PRC1: variants seen among roughly 807,000 people sequenced by gnomAD.
PRC1 encodes protein regulator of cytokinesis 1.
Under a neutral mutation model 91.2 loss-of-function variants are expected in PRC1, and 54 were observed. That is an observed-to-expected ratio of 0.59 (90% confidence interval 0.48 to 0.74). The LOEUF is 0.74. PRC1 is among the 30% of genes least tolerant of loss of function. The pLI is 0.00. For missense variants in PRC1, 727 were observed against 746.2 expected (o/e 0.97, Z 0.30); for synonymous variants, 275 against 263.6 (o/e 1.04, Z -0.42).
chr15:90,969,422 G>A, intron 13 of PRC1, 25 bp downstream of exon 13: 3 of 1,571,114 alleles, frequency 1.9e-6, no homozygotes, highest in Non-Finnish European at 2.6e-6. Context: ...CCAGAGACTG[G>A]TAGATATTAG....
chr15:90,980,512 C>CTTT lies in PRC1; in HGVS notation c.823-126_823-124dup, dbSNP rs35250469. The CTTT allele has an allele frequency of 2.3e-3, 1,147 of 491,848 alleles. 1 individual carries two copies. The highest frequency in any genetic ancestry group is 5.5e-3 in the African/African-American group (200 of 36,286). 30.5% of individuals were successfully genotyped at this position (491,848 alleles called of 1,614,324 possible). On this transcript the variant is annotated intron_variant, in intron 6 of 14. Coordinates refer to ENST00000394249, the MANE Select transcript of PRC1 (RefSeq NM_003981.4). The stretch of plus-strand genomic sequence containing the variant: ...GCCACAAAGGTATTATAAATCAACA[C>CTTT]TTTTTTTTTTTTTTTTTTTTTTTTG...
intron 9 of PRC1, among the ~76,000 whole-genome samples, chr15:90,976,412 C>T (rs8035844): frequency 0.3 from 43,455 of 145,120 alleles, 9,035 homozygotes; most frequent in African/African-American, 0.54. Flanking sequence ...AACTCCTGAC[C>T]TCGCGATATG....
At chr15:90,970,706 G>A (rs1329660954) in intron 11 of PRC1, among the ~76,000 whole-genome samples, 192 bp from the exon 12 acceptor site, 1 of 152,208 alleles carries the variant, frequency 6.6e-6, no homozygotes, top group Non-Finnish European at 1.5e-5. Flanking sequence ...AAAGCCTATT[G>A]CTATCCAGCA....
At chr15:90,977,777 G>A (rs535684906) in intron 8 of PRC1, among the ~76,000 whole-genome samples, 16 of 151,846 alleles carry the variant, frequency 1.1e-4, no homozygotes, top group Non-Finnish European at 1.6e-4. Flanking sequence ...TAGTAGAGAC[G>A]GGGTTTCACT....
chr15:90,977,709 G>C (rs915720536), intron 8 of PRC1, among the ~76,000 whole-genome samples: 1 of 147,082 alleles, frequency 6.8e-6, no homozygotes, highest in Non-Finnish European at 1.5e-5. Context: ...TCAGCCTCCC[G>C]AGTAGCTGGG....
At chr15:90,976,858 T>C in intron 8 of PRC1, 87 bp from the exon 9 acceptor site, 1 of 1,164,268 alleles carries the variant, frequency 8.6e-7, no homozygotes, top group Non-Finnish European at 1.3e-6. Flanking sequence ...TCGCCAGGCG[T>C]GGTGACTCAC....
chr15:90,980,839 G>A, intron 6 of PRC1, 45 bp downstream of exon 6: 1 of 1,612,592 alleles, frequency 6.2e-7, no homozygotes, highest in South Asian at 1.1e-5. Flanking sequence ...TAACACAGAA[G>A]TGCTAAGAGA....
chr15:90,981,180 G>A (rs1193827012), intron 5 of PRC1, 147 bp from the exon 6 acceptor site: 6 of 1,060,216 alleles, frequency 5.7e-6, no homozygotes, highest in South Asian at 3.3e-5. Flanking sequence ...TCCTAAACAC[G>A]AGCTGTAAGG....
chr15:90,991,938 A>G (rs1437732975), intron 1 of PRC1, among the ~76,000 whole-genome samples: 2 of 152,134 alleles, frequency 1.3e-5, no homozygotes, highest in East Asian at 1.9e-4. Flanking sequence ...CCAAAGACCT[A>G]TGGAGCCCCA....
Position 90,984,902 on chromosome 15 carries a change from A to G in PRC1, c.12-77T>C, listed in dbSNP as rs74705913. On this transcript the variant is annotated intron_variant, in intron 1 of 14. Transcript: ENST00000394249. The surrounding 1 kb of genome is among the most constrained non-coding windows in gnomAD (Gnocchi z 5.1). ...CTAAAAGCACTATTTTCGAGAACTA[A>G]AAAGACTAGCTTCTCAGTGGCCTCG... 1.4e-5 allele frequency: 22 copies of G among 1,556,810 alleles called. No individual in the cohort carries two copies. In the African/African-American group the frequency reaches 3.0e-4, roughly 21 times the overall value.
At chr15:90,977,556 T>C (rs2038827316) in intron 8 of PRC1, among the ~76,000 whole-genome samples, 1 of 150,832 alleles carries the variant, frequency 6.6e-6, no homozygotes, top group South Asian at 2.1e-4. Flanking sequence ...CAAAGGTTGC[T>C]GCCTTAGCTC....
Position 90,969,638 on chromosome 15 carries a change from A to G in PRC1, c.1573-15T>C. 1 of 1,580,832 alleles carries G rather than the reference A, an allele frequency of 6.3e-7. No homozygotes were observed. The highest frequency in any genetic ancestry group is 1.4e-5 in the African/African-American group (1 of 73,956). ...GCAGCGACTGGCTGCAGAGAAAGGA[A>G]AGAGATCCATGTATCATCCTTCTAA... On this transcript the variant is annotated splice_polypyrimidine_tract_variant and intron_variant, in intron 12 of 14. Coordinates refer to ENST00000394249, the MANE Select transcript of PRC1 (RefSeq NM_003981.4).
chr15:90,981,514 T>C lies in PRC1; in HGVS notation c.657A>G (p.Gln219=), dbSNP rs954458768. 4 of 1,613,820 alleles carry C rather than the reference T, an allele frequency of 2.5e-6. No homozygotes were observed. The highest frequency in any genetic ancestry group is 2.2e-5 in the East Asian group (1 of 44,888). ...CLSLENIATL[Q]KLLRQLEMQK... ...AAGACAGTACCTGCCGTAGCAACTT[T>C]TGTAGTGTTGCAATATTCTCCAAAG... Residue 219 remains glutamine, a synonymous_variant, in exon 5 of 15, where the codon CAA becomes CAG. Coordinates refer to ENST00000394249, the MANE Select transcript of PRC1 (RefSeq NM_003981.4).
intron 5 of PRC1, 75 bp downstream of exon 5, chr15:90,981,424 A>C: frequency 6.6e-7 from 1 of 1,510,088 alleles, no homozygotes. Context: ...TTTAAGACTG[A>C]AGAAACAGCT....
chr15:90,986,045 A>C (rs2039551834), intron 1 of PRC1: 1 of 152,230 alleles, frequency 6.6e-6, no homozygotes, highest in Non-Finnish European at 1.5e-5. Context: ...AAAAGACAGC[A>C]TTAAGTGTTG....
intron 6 of PRC1, chr15:90,980,605 C>T: frequency 1.4e-6 from 1 of 692,036 alleles, no homozygotes; most frequent in Non-Finnish European, 2.3e-6. Context: ...TGCAACCCTC[C>T]ACCTCCCAGG....
intron 8 of PRC1, among the ~76,000 whole-genome samples, chr15:90,978,886 T>C (rs1215396976): frequency 3.3e-5 from 5 of 151,838 alleles, no homozygotes; most frequent in Non-Finnish European, 2.9e-5. Context: ...TCCTGCTCAC[T>C]GTGCAGATCT....
Position 90,969,484 on chromosome 15 carries a change from C to A in PRC1, c.1712G>T (p.Ser571Ile). ...PGSAPLQRNF[S>I]INSVASTYSE... is the part of the protein sequence containing the mutation. ...ATAGGTGCTGGCAACAGAATTAATG[C>A]TGAAGTTGCGCTGGAGGGGGGCCGA... The change falls in exon 13 of 15, where the codon AGC becomes ATC. Residue 571 changes from serine (S) to isoleucine (I), a missense_variant. Physicochemically the swap from Ser to Ile is moderately radical, Grantham distance 142. Transcript: ENST00000394249. 2 of 1,611,034 alleles carry A rather than the reference C, an allele frequency of 1.2e-6. No individual in the cohort carries two copies.
intron 3 of PRC1, 29 bp from the exon 4 acceptor site, chr15:90,982,010 A>G (rs1164260827): frequency 6.3e-7 from 1 of 1,588,566 alleles, no homozygotes; most frequent in Non-Finnish European, 8.6e-7. Context: ...CACTGTTATA[A>G]GATTCCAAGT....
Sources: gnomAD v4.1 joint callset for allele counts (sites outside exome capture counted in the v4.1 genomes callset) on GRCh38, gnomAD v4.1.1 for gene constraint, Gnocchi (gnomAD v3.1) non-coding constraint, MANE v1.5 for transcripts, NCBI Gene and HGNC (gene_info 2026-07-23, HGNC 2026-07-21) for gene names.